IL1RAPL2: variants seen among roughly 807,000 people sequenced by gnomAD.
The protein encoded by IL1RAPL2 is X-linked interleukin-1 receptor accessory protein-like 2.
IL1RAPL2 carries 3 observed loss-of-function variants against 44.1 expected under a neutral mutation model. That is an observed-to-expected ratio of 0.07 (90% CI 0.03 to 0.18). The LOEUF (loss-of-function observed/expected upper bound fraction) is 0.18. Among genes scored for constraint, IL1RAPL2 ranks in the 10% least tolerant of loss-of-function variants. IL1RAPL2 has a pLI of 1.00. For synonymous variants in IL1RAPL2, 181 were observed against 178.8 expected (o/e 1.01, Z -0.10); for missense variants, 391 against 496.4 (o/e 0.79, Z 2.02).
chrX:105,681,477 G>T (rs2037924934), intron 6 of IL1RAPL2, among the ~76,000 whole-genome samples: 1 of 112,118 alleles, frequency 8.9e-6, no homozygotes, highest in Non-Finnish European at 1.9e-5. Context: ...TACATCATAG[G>T]CCAGGCACAG....
chrX:104,572,890 C>T (rs1366131903), intron 1 of IL1RAPL2, among the ~76,000 whole-genome samples: 1 of 112,520 alleles, frequency 8.9e-6, no homozygotes, highest in East Asian at 2.8e-4. Flanking sequence ...GTGTGAACCG[C>T]TGTGCTCAGC....
intron 2 of IL1RAPL2, among the ~76,000 whole-genome samples, chrX:104,746,310 C>A (rs769098783): frequency 9.0e-6 from 1 of 111,101 alleles, no homozygotes; most frequent in Non-Finnish European, 1.9e-5. Context: ...CATATTATCC[C>A]ATAATTATCT....
At chrX:104,741,285 G>A (rs2147578105) in intron 2 of IL1RAPL2, among the ~76,000 whole-genome samples, 1 of 111,210 alleles carries the variant, frequency 9.0e-6, no homozygotes, top group East Asian at 2.8e-4. Flanking sequence ...AGAAAAATAA[G>A]CCCAAGTGCT....
intron 2 of IL1RAPL2, among the ~76,000 whole-genome samples, chrX:104,830,002 C>G (rs758873065): frequency 8.9e-6 from 1 of 111,888 alleles, no homozygotes; most frequent in Non-Finnish European, 1.9e-5. Context: ...AGCTGGGATT[C>G]AAACTCTGGT....
chrX:105,543,224 A>G (rs1014695143), intron 6 of IL1RAPL2, among the ~76,000 whole-genome samples: 1 of 111,869 alleles, frequency 8.9e-6, no homozygotes, highest in Non-Finnish European at 1.9e-5. Flanking sequence ...ATAAAGTTCA[A>G]TCAGTCAATT....
rs73243896 is a variant in IL1RAPL2, at chrX:104,707,630, G to C, written c.82+48635G>C. Among the ~76,000 whole-genome samples, 609 of 111,465 alleles carry C rather than the reference G, an allele frequency of 5.5e-3. 3 individuals are homozygous for C. Among genetic ancestry groups the C allele is most frequent in the Middle Eastern group, 9.4e-3 (2 of 213 alleles). The stretch of plus-strand genomic sequence containing the variant: ...CTTATCACTAATGAAGGTGTTTATA[G>C]CTATTAACTGATTATAGTAGTGCTC... On this transcript the variant is annotated intron_variant, in intron 2 of 10. Transcript: ENST00000372582.
chrX:105,256,595 C>G (rs977463710), intron 4 of IL1RAPL2, among the ~76,000 whole-genome samples: 2 of 111,161 alleles, frequency 1.8e-5, no homozygotes, highest in Admixed American at 1.9e-4. Flanking sequence ...TCCCAAAGTG[C>G]TAGGATTACA....
intron 2 of IL1RAPL2, among the ~76,000 whole-genome samples, chrX:105,112,772 T>C (rs2147566666): frequency 8.8e-6 from 1 of 113,073 alleles, no homozygotes; most frequent in Non-Finnish European, 1.9e-5. Flanking sequence ...AGGCATCCCC[T>C]GAATCCAAAA....
chrX:105,090,875 A>G (rs2032536353), intron 2 of IL1RAPL2, among the ~76,000 whole-genome samples: 2 of 111,826 alleles, frequency 1.8e-5, no homozygotes, highest in Non-Finnish European at 3.8e-5. Flanking sequence ...CTAATCAGCC[A>G]TTAATGATTC....
chrX:105,084,754 A>T (rs2032458768), intron 2 of IL1RAPL2, among the ~76,000 whole-genome samples: 1 of 111,512 alleles, frequency 9.0e-6, no homozygotes, highest in South Asian at 3.8e-4. Flanking sequence ...AAATATAAAA[A>T]GTACATGACA....
At chrX:105,359,322 A>G (rs2035230940) in intron 5 of IL1RAPL2, among the ~76,000 whole-genome samples, 1 of 111,674 alleles carries the variant, frequency 9.0e-6, no homozygotes, top group African/African-American at 3.3e-5. Context: ...ATGGTATGGG[A>G]AAGGACAGGC....
chrX:104,575,283 C>A (rs949221271), intron 1 of IL1RAPL2, among the ~76,000 whole-genome samples: 1 of 110,993 alleles, frequency 9.0e-6, no homozygotes, highest in Non-Finnish European at 1.9e-5. Context: ...TTGGAACAAA[C>A]AAACAATTGT....
chrX:104,837,553 T>C (rs963061966), intron 2 of IL1RAPL2, among the ~76,000 whole-genome samples: 1 of 112,059 alleles, frequency 8.9e-6, no homozygotes. Flanking sequence ...TCATATCCTT[T>C]GCCCACTTTT....
intron 3 of IL1RAPL2, among the ~76,000 whole-genome samples, chrX:105,200,105 T>C (rs894211389): frequency 1.8e-5 from 2 of 112,069 alleles, no homozygotes; most frequent in Admixed American, 1.9e-4. Flanking sequence ...ACAATGTCAG[T>C]ATTCACCTAA....
chrX:104,696,803 C>T (rs1931190284), intron 2 of IL1RAPL2, among the ~76,000 whole-genome samples: 1 of 111,517 alleles, frequency 9.0e-6, no homozygotes, highest in Admixed American at 9.6e-5. Flanking sequence ...AGAAGCTAGC[C>T]CTCCTAGAGC....
intron 5 of IL1RAPL2, among the ~76,000 whole-genome samples, chrX:105,309,737 A>AG (rs1439783949): frequency 9.0e-6 from 1 of 110,768 alleles, no homozygotes; most frequent in Non-Finnish European, 1.9e-5. Flanking sequence ...GTCTCAAAAA[A>AG]AAAAAAAATC....
At chrX:105,237,305 C>T (rs1005052792) in intron 4 of IL1RAPL2, among the ~76,000 whole-genome samples, 4 of 111,751 alleles carry the variant, frequency 3.6e-5, no homozygotes, top group African/African-American at 9.8e-5. Flanking sequence ...AATAAACATA[C>T]GGTGTGCATG....
At chrX:104,587,949 T>C (rs1928593393) in intron 1 of IL1RAPL2, among the ~76,000 whole-genome samples, 1 of 112,064 alleles carries the variant, frequency 8.9e-6, no homozygotes, top group Non-Finnish European at 1.9e-5. Flanking sequence ...TGGTGCTTAA[T>C]GGGCCTGGTG....
At chrX:104,917,271 T>C (rs1924479388) in intron 2 of IL1RAPL2, among the ~76,000 whole-genome samples, 1 of 111,693 alleles carries the variant, frequency 9.0e-6, no homozygotes, top group Non-Finnish European at 1.9e-5. Context: ...GTTTTCTAGT[T>C]TATTGAAAGT....
Sources: gnomAD v4.1 joint callset for allele counts (sites outside exome capture counted in the v4.1 genomes callset) on GRCh38, gnomAD v4.1.1 for gene constraint, MANE v1.5 for transcripts, NCBI Gene and HGNC (gene_info 2026-07-23, HGNC 2026-07-21) for gene names.